The following AGMO variants were observed in gnomAD, a reference collection of about 807,000 sequenced individuals.
The protein encoded by AGMO is glyceryl-ether monooxygenase.
AGMO carries 75 observed loss-of-function variants against 60.2 expected under a neutral mutation model. That is an observed-to-expected ratio of 1.25 (90% CI 1.03 to 1.51). The LOEUF (loss-of-function observed/expected upper bound fraction) is 1.51, where lower values mean the gene tolerates loss of function less well. AGMO is among the 40% of genes most tolerant of loss of function. The pLI, the probability that AGMO is intolerant of heterozygous loss-of-function variation, is 0.00. For missense variants in AGMO, 763 were observed against 525.5 expected (o/e 1.45, Z -4.42); for synonymous variants, 261 against 177.1 (o/e 1.47, Z -3.76).
the AGMO span, among the ~76,000 whole-genome samples, chr7:15,136,906 A>T: frequency 2.6e-5 from 4 of 152,126 alleles, no homozygotes; most frequent in Admixed American, 2.0e-4. Context: ...AGGTTTCCCT[A>T]CACTGAAATT....
At chr7:15,446,431 T>C (rs970536646) in intron 3 of AGMO, among the ~76,000 whole-genome samples, 5 of 152,130 alleles carry the variant, frequency 3.3e-5, no homozygotes, top group Non-Finnish European at 7.4e-5. Flanking sequence ...TATTGCAGAG[T>C]TGCATAATAT....
chr7:15,264,856 T>C (rs1030880046), intron 12 of AGMO, among the ~76,000 whole-genome samples: 1 of 152,108 alleles, frequency 6.6e-6, no homozygotes, highest in Admixed American at 6.6e-5. Flanking sequence ...GTTCAGTCAC[T>C]GTGGAAAGCA....
intron 3 of AGMO, among the ~76,000 whole-genome samples, chr7:15,458,225 A>T (rs1782047362): frequency 6.6e-6 from 1 of 152,234 alleles, no homozygotes; most frequent in Non-Finnish European, 1.5e-5. Flanking sequence ...AGTTCCAAGG[A>T]AAAACCAGAA....
intron 3 of AGMO, among the ~76,000 whole-genome samples, chr7:15,518,897 A>G (rs1228710288): frequency 6.6e-6 from 1 of 152,006 alleles, no homozygotes; most frequent in Non-Finnish European, 1.5e-5. Context: ...TTCTAACCCA[A>G]TGCAAGGAAG....
intron 3 of AGMO, among the ~76,000 whole-genome samples, chr7:15,487,871 C>T (rs531034642): frequency 2.0e-4 from 31 of 152,112 alleles, no homozygotes; most frequent in Non-Finnish European, 4.1e-4. Context: ...TATATTTTCA[C>T]CTACAATGTG....
intron 12 of AGMO, among the ~76,000 whole-genome samples, chr7:15,337,123 T>G (rs990270213): frequency 6.6e-6 from 1 of 152,142 alleles, no homozygotes; most frequent in Non-Finnish European, 1.5e-5. Flanking sequence ...ATCCGTGGGA[T>G]AAGGAGCAAG....
At position 15,385,453 on chromosome 7, in the gene AGMO, T is replaced by C; in HGVS notation, c.1067A>G (p.Asp356Gly). 6.4e-7 allele frequency: 1 copy of C among 1,571,536 alleles called. No individual in the cohort carries two copies. Among genetic ancestry groups the C allele is most frequent in the Non-Finnish European group, 8.8e-7 (1 of 1,142,546 alleles). Residue 356 changes from aspartate (D) to glycine (G), a missense_variant, in exon 10 of 13, where the codon GAT becomes GGT. Physicochemically the swap from Asp to Gly is moderately conservative, Grantham distance 94 (BLOSUM62 -1). Coordinates refer to ENST00000342526, the MANE Select transcript of AGMO (RefSeq NM_001004320.2). ...AAAATGGATATTACTTACAGCTGTA[T>C]CTGCAAAGGTCTCTTCATAAAATGC... Reference protein sequence around the residue: ...MLAFYEETFADTAALSQVTLL... With the variant: ...MLAFYEETFAGTAALSQVTLL...
At chr7:15,307,543 A>G (rs570880784) in intron 12 of AGMO, among the ~76,000 whole-genome samples, 1 of 152,038 alleles carries the variant, frequency 6.6e-6, no homozygotes, top group Non-Finnish European at 1.5e-5. Context: ...TTTCTTATGA[A>G]GCCTATAAGA....
chr7:15,122,926 C>CA, the AGMO span, among the ~76,000 whole-genome samples: 1 of 152,020 alleles, frequency 6.6e-6, no homozygotes, highest in East Asian at 1.9e-4. Flanking sequence ...ACATTCCACT[C>CA]AGAGTAAAAA....
chr7:15,437,685 C>T (rs1240491639), intron 3 of AGMO, among the ~76,000 whole-genome samples: 1 of 152,102 alleles, frequency 6.6e-6, no homozygotes, highest in Non-Finnish European at 1.5e-5. Context: ...CAGGCGCCCG[C>T]CACCACGCCA....
intron 12 of AGMO, among the ~76,000 whole-genome samples, chr7:15,255,534 CAAAAAAA>C (rs60035165): frequency 8.6e-6 from 1 of 115,830 alleles, no homozygotes; most frequent in Non-Finnish European, 1.8e-5. Context: ...TGTAAGAATA[CAAAAAAA>C]AAAAAAAAAG....
At chr7:15,373,512 CCA>C (rs1198964222) in intron 10 of AGMO, among the ~76,000 whole-genome samples, 1 of 151,878 alleles carries the variant, frequency 6.6e-6, no homozygotes, top group African/African-American at 2.4e-5. Flanking sequence ...CTTCTTTTGC[CCA>C]CAGATATTAT....
intron 12 of AGMO, among the ~76,000 whole-genome samples, chr7:15,358,945 T>C (rs1169933113): frequency 1.3e-5 from 2 of 152,158 alleles, no homozygotes; most frequent in African/African-American, 2.4e-5. Flanking sequence ...TTAAGATAAA[T>C]ATCCCCATAT....
chr7:15,545,144 C>T (rs1389948579), intron 2 of AGMO, among the ~76,000 whole-genome samples: 1 of 152,046 alleles, frequency 6.6e-6, no homozygotes, highest in African/African-American at 2.4e-5. Flanking sequence ...ATCATGGATG[C>T]CAGCTGTTTG....
chr7:15,281,169 C>T (rs1433352288), intron 12 of AGMO, among the ~76,000 whole-genome samples: 1 of 152,056 alleles, frequency 6.6e-6, no homozygotes, highest in Non-Finnish European at 1.5e-5. Context: ...TGGAAAGTTT[C>T]ATTCAGCAGA....
the AGMO span, among the ~76,000 whole-genome samples, chr7:15,147,604 A>G: frequency 2.2e-4 from 34 of 152,130 alleles, no homozygotes; most frequent in African/African-American, 7.9e-4. Context: ...TACCATACCC[A>G]TTATCTTTTA....
At chr7:15,282,070 A>G (rs889229040) in intron 12 of AGMO, among the ~76,000 whole-genome samples, 4 of 152,138 alleles carry the variant, frequency 2.6e-5, no homozygotes, top group Non-Finnish European at 5.9e-5. Flanking sequence ...AATTTTAAAA[A>G]ACAATAAAAT....
rs1368457726 is a variant in AGMO, at chr7:15,401,797, A to G, written c.610-7618T>C. On this transcript the variant is annotated intron_variant, in intron 5 of 12. Coordinates refer to ENST00000342526, the MANE Select transcript of AGMO (RefSeq NM_001004320.2). ...GCATGTGTTTTACAGAACCCTCTTT[A>G]TAAACATGCATGTGCAAGATGATAT... Among the ~76,000 whole-genome samples the G allele has an allele frequency of 2.0e-5, 3 of 152,302 alleles. No homozygotes were observed. In the East Asian group the frequency reaches 5.8e-4, roughly 29 times the overall value.
intron 12 of AGMO, among the ~76,000 whole-genome samples, chr7:15,294,895 A>G (rs1297257152): frequency 6.6e-6 from 1 of 151,982 alleles, no homozygotes; most frequent in East Asian, 1.9e-4. Flanking sequence ...GTGATACTTT[A>G]ACAATGAATA....
Sources: allele counts gnomAD v4.1 joint callset (sites outside exome capture counted in the v4.1 genomes callset), GRCh38; gene constraint gnomAD v4.1.1; transcripts MANE v1.5; gene names NCBI Gene and HGNC (gene_info 2026-07-23, HGNC 2026-07-21).